The following MAFG variants were observed in gnomAD, a reference collection of about 807,000 sequenced individuals.
MAFG encodes the protein transcription factor MafG.
Under a neutral mutation model 12.2 loss-of-function variants are expected in MAFG, and 3 were observed. The observed-to-expected ratio is 0.25, with a 90% CI of 0.11 to 0.64. MAFG has a LOEUF of 0.64. Among genes scored for constraint, MAFG ranks in the 30% least tolerant of loss-of-function variants. The pLI, the probability that MAFG is intolerant of heterozygous loss-of-function variation, is 0.85. For missense variants in MAFG, 153 were observed against 235.5 expected (o/e 0.65, Z 2.29); for synonymous variants, 126 against 109.1 (o/e 1.15, Z -0.96).
upstream of MAFG, chr17:81,930,488 C>T (rs1310526869): frequency 6.7e-6 from 1 of 149,622 alleles, no homozygotes; most frequent in African/African-American, 2.5e-5. The surrounding 1 kb of genome is among the most constrained non-coding windows in gnomAD (Gnocchi z 4.1). Context: ...CATAGAGACC[C>T]TATCGCTACA....
chr17:81,925,996 C>CTG (rs532478689), intron 1 of MAFG, among the ~76,000 whole-genome samples: 6,358 of 88,936 alleles, frequency 0.071, 258 homozygotes, highest in African/African-American at 0.13. Flanking sequence ...GAGAATGGAC[C>CTG]TGTGTGTGTG....
At chr17:81,931,154 A>G (rs909657918), upstream of MAFG, among the ~76,000 whole-genome samples, 2 of 152,146 alleles carry the variant, frequency 1.3e-5, no homozygotes, top group Non-Finnish European at 2.9e-5. Context: ...GAAAGCTCCT[A>G]GGGCCCGCCT....
rs2040873823 is a variant in MAFG, at chr17:81,919,970, C to T, written c.*2635G>A. The T allele has an allele frequency of 6.6e-6, 1 of 152,246 alleles. No homozygotes were observed. Among genetic ancestry groups the T allele is most frequent in the Non-Finnish European group, 1.5e-5 (1 of 68,050 alleles). 9.4% of individuals were successfully genotyped at this position (152,246 alleles called of 1,614,324 possible). On this transcript the variant is annotated 3_prime_UTR_variant, in exon 3 of 3. Transcript: ENST00000357736. The stretch of plus-strand genomic sequence containing the variant: ...AGCACGCGTCGACCCTTACACCCTC[C>T]TCTTCCACACTCCCTTCGCCTCCAG...
chr17:81,929,257 C>A (rs1405148969), upstream of MAFG, among the ~76,000 whole-genome samples: 2 of 152,232 alleles, frequency 1.3e-5, no homozygotes, highest in African/African-American at 4.8e-5. The surrounding 1 kb of genome is among the most constrained non-coding windows in gnomAD (Gnocchi z 5.7). Context: ...TCCCTGGGCA[C>A]TGTCATAGAG....
upstream of MAFG, chr17:81,930,818 GT>G (rs1244690788): frequency 3.3e-5 from 5 of 152,288 alleles, no homozygotes; most frequent in African/African-American, 1.2e-4. The surrounding 1 kb of genome is among the most constrained non-coding windows in gnomAD (Gnocchi z 4.1). Context: ...AGAGCTGCTG[GT>G]GACAGGAGCA....
upstream of MAFG, among the ~76,000 whole-genome samples, chr17:81,929,010 A>AGCGGGAGCTGGAGCCACGGTGCC (rs1244742636): frequency 6.6e-6 from 1 of 152,108 alleles, no homozygotes; most frequent in Non-Finnish European, 1.5e-5. The surrounding 1 kb of genome is among the most constrained non-coding windows in gnomAD (Gnocchi z 5.7). Context: ...CGTGCCACAC[A>AGCGGGAGCTGGAGCCACGGTGCC]GCGGGAGCTG....
upstream of MAFG, chr17:81,928,435 C>T (rs1435600781): frequency 6.6e-6 from 1 of 152,256 alleles, no homozygotes; most frequent in African/African-American, 2.4e-5. The surrounding 1 kb of genome is among the most constrained non-coding windows in gnomAD (Gnocchi z 8.1). Context: ...GGGTGGCCGC[C>T]CCGCCAGCAG....
chr17:81,923,363 G>A, intron 1 of MAFG, 149 bp from the exon 2 acceptor site: 1 of 559,172 alleles, frequency 1.8e-6, no homozygotes, highest in South Asian at 2.4e-5. Context: ...CTGATAGGAG[G>A]CAGCCCTTGG....
intron 1 of MAFG, among the ~76,000 whole-genome samples, chr17:81,925,028 T>G (rs943456325): frequency 3.3e-5 from 5 of 151,578 alleles, no homozygotes; most frequent in South Asian, 2.1e-4. Context: ...CGCCGGGGGG[T>G]GGGGGAGGGG....
intron 1 of MAFG, among the ~76,000 whole-genome samples, chr17:81,925,998 G>A (rs1416967163): frequency 9.2e-4 from 6 of 6,524 alleles, no homozygotes; most frequent in Non-Finnish European, 6.3e-3. Context: ...GAATGGACCT[G>A]TGTGTGTGTG....
chr17:81,926,904 C>A lies in MAFG; in HGVS notation c.-30+624G>T, dbSNP rs142854321. Among the ~76,000 whole-genome samples, 1 of 152,288 alleles carries A rather than the reference C, an allele frequency of 6.6e-6. No individual in the cohort carries two copies. Among genetic ancestry groups the A allele is most frequent in the East Asian group, 1.9e-4 (1 of 5,174 alleles). On this transcript the variant is annotated intron_variant, in intron 1 of 2. Transcript: ENST00000357736. The surrounding 1 kb of genome is among the most constrained non-coding windows in gnomAD (Gnocchi z 4.6). Reference sequence around the variant, plus strand: ...ACCTCCCGCTGGCGGCCTTTTAGTCCCCGAGGCCCCTCGCTCGAATCCCCT... The same window carrying A: ...ACCTCCCGCTGGCGGCCTTTTAGTCACCGAGGCCCCTCGCTCGAATCCCCT...
upstream of MAFG, chr17:81,930,415 C>G (rs978260200): frequency 2.0e-5 from 3 of 151,974 alleles, no homozygotes; most frequent in Non-Finnish European, 4.4e-5. The surrounding 1 kb of genome is among the most constrained non-coding windows in gnomAD (Gnocchi z 4.1). Context: ...CCTATAATCC[C>G]AGCACTTTGG....
intron 1 of MAFG, 87 bp from the exon 2 acceptor site, chr17:81,923,301 C>G (rs2040913151): frequency 1.2e-6 from 1 of 833,594 alleles, no homozygotes; most frequent in African/African-American, 1.9e-5. Flanking sequence ...CACAAGAGCC[C>G]TTGCCGCACA....
chr17:81,929,258 T>C (rs905737128), upstream of MAFG, among the ~76,000 whole-genome samples: 1 of 152,184 alleles, frequency 6.6e-6, no homozygotes, highest in Non-Finnish European at 1.5e-5. The surrounding 1 kb of genome is among the most constrained non-coding windows in gnomAD (Gnocchi z 5.7). Flanking sequence ...CCCTGGGCAC[T>C]GTCATAGAGA....
rs1598347153 is a variant in MAFG, at chr17:81,922,380, A to T, written c.*225T>A. ...AAAGGGGTTGGGGCGACCCCACGTC[A>T]CCGCCGAACTGACCAATCCCAACAT... is the stretch of plus-strand genomic sequence containing the variant. On this transcript the variant is annotated 3_prime_UTR_variant, in exon 3 of 3. Coordinates refer to ENST00000357736, the MANE Select transcript of MAFG (RefSeq NM_002359.4). 5.2e-6 allele frequency: 2 copies of T among 384,806 alleles called. No homozygotes were observed. The highest frequency in any genetic ancestry group is 9.2e-6 in the Non-Finnish European group (2 of 217,910). The allele number at this position is 384,806 out of a possible 1,614,324, so 23.8% of individuals were successfully genotyped here. A position where few individuals can be genotyped will look rare whatever the true frequency, so the allele number is the denominator to read the frequency against.
rs1056919223 is a variant in MAFG, at chr17:81,923,493, G to A, written c.-29-279C>T. Reference sequence around the variant, plus strand: ...AAGGCTGTTAGGAAGGCAGGCGCAAGACAAGGGGCAGGGGAGAGATTAGAA... The same window carrying A: ...AAGGCTGTTAGGAAGGCAGGCGCAAAACAAGGGGCAGGGGAGAGATTAGAA... On this transcript the variant is annotated intron_variant, in intron 1 of 2. Transcript: ENST00000357736. The A allele has an allele frequency of 5.2e-5, 19 of 364,232 alleles. No homozygotes were observed. The South Asian group carries it at 1.1e-3, about 22-fold the overall frequency. 22.6% of individuals were successfully genotyped at this position (364,232 alleles called of 1,614,324 possible).
chr17:81,926,028 G>GTGTGTGTGTGTGTGTGTGT lies in MAFG; in HGVS notation c.-30+1499_-30+1500insACACACACACACACACACA, dbSNP rs1567916031. On this transcript the variant is annotated intron_variant, in intron 1 of 2. Coordinates refer to ENST00000357736, the MANE Select transcript of MAFG (RefSeq NM_002359.4). The surrounding 1 kb of genome is among the most constrained non-coding windows in gnomAD (Gnocchi z 4.6). ...TGTGTGTGTGTGTGTGTGTGTGTGT[G>GTGTGTGTGTGTGTGTGTGT]GCGGGGGGCGGGGGGCATCCCTGAG... Among the ~76,000 whole-genome samples the GTGTGTGTGTGTGTGTGTGT allele has an allele frequency of 1.8e-5, 2 of 109,700 alleles. No individual in the cohort carries two copies. Among genetic ancestry groups the GTGTGTGTGTGTGTGTGTGT allele is most frequent in the African/African-American group, 3.2e-5 (1 of 31,062 alleles). The allele number at this position is 109,700 out of a possible 152,430, so 72.0% of individuals were successfully genotyped here.
chr17:81,926,350 G>A lies in MAFG; in HGVS notation c.-30+1178C>T, dbSNP rs1224733929. 6.6e-6 allele frequency among the ~76,000 whole-genome samples: 1 copy of A among 151,982 alleles called. No individual in the cohort carries two copies. Among genetic ancestry groups the A allele is most frequent in the Non-Finnish European group, 1.5e-5 (1 of 67,972 alleles). ...GCCCATCTGCTGCACCCCAAGGCTA[G>A]GCACCCTGAAGCTCCCACCACCTAC... On this transcript the variant is annotated intron_variant, in intron 1 of 2. Transcript: ENST00000357736. The surrounding 1 kb of genome is among the most constrained non-coding windows in gnomAD (Gnocchi z 4.6).
upstream of MAFG, among the ~76,000 whole-genome samples, chr17:81,929,237 A>T (rs2040966354): frequency 6.6e-6 from 1 of 152,200 alleles, no homozygotes; most frequent in East Asian, 1.9e-4. This position sits in a 1 kb window ranked among gnomAD's most constrained non-coding sequence, Gnocchi z 5.7. Flanking sequence ...AAGGAGCCTC[A>T]GTCCTCCCCT....
Sources: allele counts gnomAD v4.1 joint callset (sites outside exome capture counted in the v4.1 genomes callset), GRCh38; gene constraint gnomAD v4.1.1; non-coding constraint Gnocchi (gnomAD v3.1); transcripts MANE v1.5; gene names NCBI Gene and HGNC (gene_info 2026-07-23, HGNC 2026-07-21).